MGA: variants seen among roughly 807,000 people sequenced by gnomAD.
MGA encodes the protein MAX gene-associated protein.
In MGA, 40 loss-of-function variants were observed where a neutral mutation model predicts 261.1. The ratio of observed to expected loss-of-function variants is 0.15; its 90% CI spans 0.12 to 0.20. MGA has a LOEUF of 0.20. MGA is among the 10% of genes least tolerant of loss of function. MGA has a pLI of 1.00. For synonymous variants in MGA, 1,302 were observed against 1,290.6 expected (o/e 1.01, Z -0.19); for missense variants, 3,397 against 3,630.5 (o/e 0.94, Z 1.65).
At chr15:41,678,623 C>T (rs1301316234) in intron 2 of MGA, among the ~76,000 whole-genome samples, 11 of 151,378 alleles carry the variant, frequency 7.3e-5, no homozygotes, top group East Asian at 6.0e-4. Flanking sequence ...AAAAATTATC[C>T]GGGCATGGTG....
At chr15:41,697,627 G>A (rs1340026992) in intron 3 of MGA, among the ~76,000 whole-genome samples, 2 of 152,006 alleles carry the variant, frequency 1.3e-5, no homozygotes, top group African/African-American at 2.4e-5. Flanking sequence ...ATGTTGGCCA[G>A]CTAATTTCTA....
intron 1 of MGA, among the ~76,000 whole-genome samples, chr15:41,639,261 G>T (rs1462486472): frequency 6.6e-6 from 1 of 151,740 alleles, no homozygotes; most frequent in Non-Finnish European, 1.5e-5. Context: ...CTATTTTATG[G>T]CCCCTTCTCT....
chr15:41,715,284 G>A (rs1260935827), intron 9 of MGA, among the ~76,000 whole-genome samples: 1 of 151,678 alleles, frequency 6.6e-6, no homozygotes, highest in Non-Finnish European at 1.5e-5. Context: ...CAAGTAGCTG[G>A]GACTACAGGC....
Position 41,749,181 on chromosome 15 carries a change from C to G in MGA, c.5574C>G (p.Ser1858=). Residue 1858 remains serine, a synonymous_variant, in exon 17 of 24, where the codon TCC becomes TCG. Transcript: ENST00000219905. ...AGACTCCGCCATCTTCCACTTCGTC[C>G]TCTGCTTTCTCTGTCATGAATCCTG... The G allele has an allele frequency of 6.2e-7, 1 of 1,613,998 alleles. No individual in the cohort carries two copies. Among genetic ancestry groups the G allele is most frequent in the Non-Finnish European group, 8.5e-7 (1 of 1,179,890 alleles).
chr15:41,667,527 T>A (rs2057818492), intron 1 of MGA, among the ~76,000 whole-genome samples: 1 of 152,122 alleles, frequency 6.6e-6, no homozygotes, highest in African/African-American at 2.4e-5. Context: ...ATTACAGGCG[T>A]GAGCCACTGC....
At chr15:41,640,520 C>T (rs1195379670) in intron 1 of MGA, among the ~76,000 whole-genome samples, 2 of 151,892 alleles carry the variant, frequency 1.3e-5, no homozygotes, top group Non-Finnish European at 2.9e-5. Context: ...TAGGTATTTC[C>T]TCTTAGTTTT....
intron 1 of MGA, among the ~76,000 whole-genome samples, chr15:41,653,741 C>G (rs1172766065): frequency 6.6e-6 from 1 of 151,876 alleles, no homozygotes; most frequent in Non-Finnish European, 1.5e-5. Context: ...AAAAAAAAAC[C>G]CTTTTGGTTT....
intron 2 of MGA, among the ~76,000 whole-genome samples, chr15:41,673,073 A>G (rs1372494108): frequency 6.6e-6 from 1 of 152,118 alleles, no homozygotes; most frequent in Non-Finnish European, 1.5e-5. Flanking sequence ...TTACCATACC[A>G]TTCACGTGGT....
At chr15:41,670,742 A>G (rs954004095) in intron 2 of MGA, among the ~76,000 whole-genome samples, 1 of 151,546 alleles carries the variant, frequency 6.6e-6, no homozygotes. Flanking sequence ...TCCTGACCTC[A>G]TGATCTGCCC....
At chr15:41,684,111 CTG>C (rs2151131895) in intron 2 of MGA, among the ~76,000 whole-genome samples, 1 of 152,148 alleles carries the variant, frequency 6.6e-6, no homozygotes, top group South Asian at 2.1e-4. Context: ...GTCTACTTGT[CTG>C]TCTCCTGCAC....
Position 41,698,955 on chromosome 15 carries a change from G to A in MGA, c.2092+14G>A. 1.3e-6 allele frequency: 2 copies of A among 1,546,586 alleles called. No individual in the cohort carries two copies. The highest frequency in any genetic ancestry group is 4.9e-5 in the East Asian group (2 of 40,850). On this transcript the variant is annotated intron_variant, in intron 4 of 23. Transcript: ENST00000219905. The stretch of plus-strand genomic sequence containing the variant: ...CAAATGACTCAGGTATTATAAAATA[G>A]TATAAAAAGAGTTGTATTTGTGGTT...
At chr15:41,706,232 A>C (rs1429714381) in intron 5 of MGA, among the ~76,000 whole-genome samples, 2 of 97,284 alleles carry the variant, frequency 2.1e-5, no homozygotes, top group South Asian at 4.8e-4. Flanking sequence ...GTGAGACTCC[A>C]TCTCAAAAAA....
chr15:41,767,487 A>G lies in MGA; in HGVS notation c.*207A>G, dbSNP rs2152051808. 3 of 593,468 alleles carry G rather than the reference A, an allele frequency of 5.1e-6. No individual in the cohort carries two copies. The East Asian group carries it at 8.4e-5, about 17-fold the overall frequency. 36.8% of individuals were successfully genotyped at this position (593,468 alleles called of 1,614,324 possible). On this transcript the variant is annotated 3_prime_UTR_variant, in exon 24 of 24. Coordinates refer to ENST00000219905, the MANE Select transcript of MGA (RefSeq NM_001164273.2). Reference sequence around the variant, plus strand: ...TGATCATGTTAAAATGTGTTACCTCACTTGTGGTGCTGGGTCCCCTCATCC... The same window carrying G: ...TGATCATGTTAAAATGTGTTACCTCGCTTGTGGTGCTGGGTCCCCTCATCC...
intron 9 of MGA, among the ~76,000 whole-genome samples, chr15:41,726,259 G>T (rs1390087157): frequency 6.6e-6 from 1 of 152,106 alleles, no homozygotes; most frequent in African/African-American, 2.4e-5. Flanking sequence ...CTCACTGGTT[G>T]GACATCCCTG....
intron 18 of MGA, 104 bp from the exon 19 acceptor site, chr15:41,757,684 A>C: frequency 1.2e-6 from 1 of 849,496 alleles, no homozygotes; most frequent in Non-Finnish European, 1.9e-6. Flanking sequence ...ACACCTTGGG[A>C]AAAAGAAACT....
At chr15:41,693,092 G>A (rs1474778172) in intron 2 of MGA, among the ~76,000 whole-genome samples, 2 of 152,044 alleles carry the variant, frequency 1.3e-5, no homozygotes, top group Non-Finnish European at 2.9e-5. Flanking sequence ...TGCCTGCCTC[G>A]GCCTCCCAAA....
At chr15:41,685,341 G>C (rs1295405327) in intron 2 of MGA, among the ~76,000 whole-genome samples, 1 of 151,756 alleles carries the variant, frequency 6.6e-6, no homozygotes, top group Admixed American at 6.6e-5. Context: ...TATTATTTTG[G>C]GCAATACCGT....
chr15:41,731,343 T>C (rs1363472178), intron 11 of MGA, among the ~76,000 whole-genome samples: 1 of 152,162 alleles, frequency 6.6e-6, no homozygotes, highest in Admixed American at 6.5e-5. Flanking sequence ...TGCATTTATC[T>C]ATGTATCTAT....
rs56390631 is a variant in MGA, at chr15:41,638,032, C to CTT, written c.-68+16761_-68+16762dup. On this transcript the variant is annotated intron_variant, in intron 1 of 8. Transcript: ENST00000566718. ...AGACGTGAGCCACTACTGTGCCCAG[C>CTT]TTTTTTTTTTTTTTTTTTTTTTTTT... Among the ~76,000 whole-genome samples, 95 of 43,020 alleles carry CTT rather than the reference C, an allele frequency of 2.2e-3. 7 individuals carry two copies. Among genetic ancestry groups the CTT allele is most frequent in the South Asian group, 3.3e-3 (2 of 598 alleles). The allele number at this position is 43,020 out of a possible 152,430, so 28.2% of individuals were successfully genotyped here. A position where few individuals can be genotyped will look rare whatever the true frequency, so the allele number is the denominator to read the frequency against.
Sources: gnomAD v4.1 joint callset for allele counts (sites outside exome capture counted in the v4.1 genomes callset) on GRCh38, gnomAD v4.1.1 for gene constraint, MANE v1.5 for transcripts, NCBI Gene and HGNC (gene_info 2026-07-23, HGNC 2026-07-21) for gene names.